The following ARHGAP42 variants were observed in gnomAD, a reference collection of about 807,000 sequenced individuals.
ARHGAP42 encodes the protein rho GTPase-activating protein 42.
Under a neutral mutation model 125.0 loss-of-function variants are expected in ARHGAP42, and 63 were observed. The observed-to-expected ratio is 0.50, with a 90% CI of 0.41 to 0.62. ARHGAP42 has a LOEUF of 0.62. ARHGAP42 is among the 20% of genes least tolerant of loss of function. The pLI, the probability that ARHGAP42 is intolerant of heterozygous loss-of-function variation, is 0.00. For missense variants in ARHGAP42, 766 were observed against 1,024.2 expected (o/e 0.75, Z 3.44); for synonymous variants, 339 against 351.0 (o/e 0.97, Z 0.38).
At chr11:100,979,159 C>A in intron 22 of ARHGAP42, 110 bp downstream of exon 22, 1 of 1,046,286 alleles carries the variant, frequency 9.6e-7, no homozygotes, top group Non-Finnish European at 1.4e-6. Flanking sequence ...TGCAGATGGT[C>A]AAATTTAAGT....
intron 5 of ARHGAP42, among the ~76,000 whole-genome samples, chr11:100,917,692 C>T (rs986266563): frequency 1.3e-5 from 2 of 152,158 alleles, no homozygotes; most frequent in African/African-American, 4.8e-5. Flanking sequence ...GTGCCTCAGC[C>T]TCCCGAGTAG....
intron 4 of ARHGAP42, among the ~76,000 whole-genome samples, chr11:100,887,971 CT>C (rs1866131618): frequency 6.6e-6 from 1 of 152,234 alleles, no homozygotes; most frequent in African/African-American, 2.4e-5. Context: ...TCCAATCCCG[CT>C]TCTGGAGAAC....
At chr11:100,924,447 G>A (rs995057528) in intron 6 of ARHGAP42, among the ~76,000 whole-genome samples, 3 of 151,886 alleles carry the variant, frequency 2.0e-5, no homozygotes, top group South Asian at 2.1e-4. Context: ...CGGGTGGATC[G>A]CTTGAGGTCA....
At chr11:100,789,084 T>A (rs1201850891) in intron 2 of ARHGAP42, among the ~76,000 whole-genome samples, 1 of 152,226 alleles carries the variant, frequency 6.6e-6, no homozygotes, top group African/African-American at 2.4e-5. Context: ...TATATCCGAT[T>A]TAAGTGGTAA....
chr11:100,944,527 A>G (rs940926555), intron 10 of ARHGAP42, among the ~76,000 whole-genome samples: 15 of 152,072 alleles, frequency 9.9e-5, no homozygotes, highest in Admixed American at 2.6e-4. Context: ...CCCTTTGTAT[A>G]TGATGACTTT....
intron 1 of ARHGAP42, among the ~76,000 whole-genome samples, chr11:100,749,600 C>T (rs1307192174): frequency 1.3e-5 from 2 of 152,202 alleles, no homozygotes; most frequent in East Asian, 1.9e-4. Flanking sequence ...ACTTCCCACT[C>T]GTGTTGTCCT....
At chr11:100,872,874 T>G (rs1865729215) in intron 4 of ARHGAP42, among the ~76,000 whole-genome samples, 1 of 152,182 alleles carries the variant, frequency 6.6e-6, no homozygotes. Flanking sequence ...CATTGGGGGA[T>G]GCAAAACTAA....
At chr11:100,838,805 G>A (rs1408960361) in intron 3 of ARHGAP42, among the ~76,000 whole-genome samples, 1 of 152,084 alleles carries the variant, frequency 6.6e-6, no homozygotes, top group African/African-American at 2.4e-5. Context: ...AGGATCAGTT[G>A]TTGAGTCGTC....
intron 1 of ARHGAP42, among the ~76,000 whole-genome samples, chr11:100,758,018 C>G (rs1278710993): frequency 6.6e-6 from 1 of 152,178 alleles, no homozygotes; most frequent in Non-Finnish European, 1.5e-5. Flanking sequence ...CATAACCATA[C>G]TGTTCATGTA....
chr11:100,904,709 G>A (rs1466913015), intron 4 of ARHGAP42, among the ~76,000 whole-genome samples: 1 of 152,048 alleles, frequency 6.6e-6, no homozygotes, highest in Non-Finnish European at 1.5e-5. Context: ...TCCTTAGGTT[G>A]CATTTTACTT....
intron 12 of ARHGAP42, among the ~76,000 whole-genome samples, chr11:100,953,401 A>T (rs1210146403): frequency 2.0e-5 from 3 of 152,334 alleles, no homozygotes; most frequent in Admixed American, 2.0e-4. Context: ...ATGGTAAAAT[A>T]TATAACTTAG....
chr11:100,896,008 A>G (rs1866348832), intron 4 of ARHGAP42, among the ~76,000 whole-genome samples: 1 of 152,034 alleles, frequency 6.6e-6, no homozygotes, highest in African/African-American at 2.4e-5. Context: ...ACACTCCCTG[A>G]AAGGCCCTGG....
At chr11:100,933,383 G>C in intron 7 of ARHGAP42, 123 bp downstream of exon 7, 1 of 577,670 alleles carries the variant, frequency 1.7e-6, no homozygotes, top group Non-Finnish European at 2.8e-6. Flanking sequence ...CCTAATCTTA[G>C]TTAGAAAAAT....
At chr11:100,945,349 C>T (rs1867987593) in intron 10 of ARHGAP42, among the ~76,000 whole-genome samples, 1 of 151,952 alleles carries the variant, frequency 6.6e-6, no homozygotes, top group Admixed American at 6.6e-5. Context: ...TTTCAAACTG[C>T]TGTTAATGTG....
At chr11:100,710,140 T>A (rs1456756542) in intron 1 of ARHGAP42, among the ~76,000 whole-genome samples, 2 of 152,218 alleles carry the variant, frequency 1.3e-5, no homozygotes, top group African/African-American at 4.8e-5. Flanking sequence ...CTTGCATATT[T>A]CTTTTGGGGT....
At chr11:100,965,286 A>T (rs1268794930) in intron 16 of ARHGAP42, among the ~76,000 whole-genome samples, 1 of 152,026 alleles carries the variant, frequency 6.6e-6, no homozygotes, top group African/African-American at 2.4e-5. Flanking sequence ...GCTAATACGT[A>T]CTCTAATGAC....
At position 100,935,176 on chromosome 11, in the gene ARHGAP42, G is replaced by T. The variant is rs116499831; in HGVS notation, c.703-1027G>T. On this transcript the variant is annotated intron_variant, in intron 7 of 23. Transcript: ENST00000298815. ...ATGGGGAATAAACTCCTTAGATTTA[G>T]GTGGTAGTGATTATTGTATCTTCAG... Among the ~76,000 whole-genome samples, 593 of 151,980 alleles carry T rather than the reference G, an allele frequency of 3.9e-3. 4 individuals are homozygous for T. The highest frequency in any genetic ancestry group is 0.014 in the African/African-American group (567 of 41,480).
At chr11:100,738,231 T>C (rs889838039) in intron 1 of ARHGAP42, among the ~76,000 whole-genome samples, 4 of 152,230 alleles carry the variant, frequency 2.6e-5, no homozygotes, top group African/African-American at 9.6e-5. Context: ...GAGGCAATTA[T>C]TTACATATGT....
At chr11:100,933,379 C>T in intron 7 of ARHGAP42, 119 bp downstream of exon 7, 1 of 598,486 alleles carries the variant, frequency 1.7e-6, no homozygotes, top group Non-Finnish European at 2.6e-6. Context: ...AAACCCTAAT[C>T]TTAGTTAGAA....
Sources: allele counts gnomAD v4.1 joint callset (sites outside exome capture counted in the v4.1 genomes callset), GRCh38; gene constraint gnomAD v4.1.1; transcripts MANE v1.5; gene names NCBI Gene and HGNC (gene_info 2026-07-23, HGNC 2026-07-21).